The following NRG3 variants were observed in gnomAD, a reference collection of about 807,000 sequenced individuals.
The protein encoded by NRG3 is neuregulin 3, also known as pro-neuregulin-3, membrane-bound isoform.
Under a neutral mutation model 66.9 loss-of-function variants are expected in NRG3, and 31 were observed. The observed-to-expected ratio is 0.46, with a 90% CI of 0.35 to 0.63. NRG3 has a LOEUF of 0.63. Ranked by LOEUF, NRG3 falls within the 20% of genes least tolerant of loss-of-function variation. NRG3 has a pLI of 0.00. For missense variants in NRG3, 910 were observed against 878.9 expected, an observed-to-expected ratio of 1.04 and a Z score of -0.45; for synonymous variants, 393 against 359.4, an observed-to-expected ratio of 1.09 and a Z score of -1.06.
At chr10:82,378,141 T>C (rs897345395) in intron 2 of NRG3, among the ~76,000 whole-genome samples, 3 of 152,240 alleles carry the variant, frequency 2.0e-5, no homozygotes, top group Non-Finnish European at 4.4e-5. Flanking sequence ...TCTGAATAGT[T>C]GTAGGGGAGA....
chr10:82,617,134 C>T (rs1210808187), intron 2 of NRG3, among the ~76,000 whole-genome samples: 1 of 152,028 alleles, frequency 6.6e-6, no homozygotes, highest in Non-Finnish European at 1.5e-5. Flanking sequence ...CCTCCACATA[C>T]ATGCACACAC....
Position 82,511,143 on chromosome 10 carries a change from G to A in NRG3, c.953+152275G>A, listed in dbSNP as rs528769184. ...CAGGAGAAGACTGGCCTATAACTGT[G>A]GACACAAGGGAAAGCATTTTCTGAC... On this transcript the variant is annotated intron_variant, in intron 2 of 8. Coordinates refer to ENST00000372141, the MANE Select transcript of NRG3 (RefSeq NM_001010848.4). Among the ~76,000 whole-genome samples the A allele has an allele frequency of 9.2e-5, 14 of 152,098 alleles. No homozygotes were observed. In the South Asian group the frequency reaches 2.9e-3, roughly 32 times the overall value.
At chr10:82,671,899 ATGAGTG>A (rs1434489653) in intron 2 of NRG3, among the ~76,000 whole-genome samples, 1 of 151,932 alleles carries the variant, frequency 6.6e-6, no homozygotes, top group Non-Finnish European at 1.5e-5. Flanking sequence ...GATTAATTAA[ATGAGTG>A]AGAACTTTGT....
chr10:82,018,345 G>GTA (rs1044408911), intron 1 of NRG3, among the ~76,000 whole-genome samples: 22 of 152,150 alleles, frequency 1.4e-4, no homozygotes, highest in African/African-American at 4.8e-4. Flanking sequence ...TAGCCTTGTA[G>GTA]TATAGTTTGA....
intron 2 of NRG3, among the ~76,000 whole-genome samples, chr10:82,554,145 A>G (rs1178747595): frequency 1.3e-5 from 2 of 152,166 alleles, no homozygotes; most frequent in Admixed American, 6.6e-5. Context: ...TAAAATTAAG[A>G]TGCAGATGAG....
At chr10:82,553,598 T>A (rs2044467699) in intron 2 of NRG3, among the ~76,000 whole-genome samples, 1 of 152,112 alleles carries the variant, frequency 6.6e-6, no homozygotes, top group Non-Finnish European at 1.5e-5. Context: ...TTAAGATGTT[T>A]GGAATAGAAG....
chr10:82,406,453 A>C (rs1289676543), intron 2 of NRG3, among the ~76,000 whole-genome samples: 1 of 152,160 alleles, frequency 6.6e-6, no homozygotes, highest in Non-Finnish European at 1.5e-5. Context: ...CCCTGGTTCC[A>C]CTGAAAGTTC....
In NRG3 at chr10:82,758,923, AATAG is replaced by A. The variant is rs148698245; in HGVS notation, c.1027+20275_1027+20278del. On this transcript the variant is annotated intron_variant, in intron 3 of 8. Transcript: ENST00000372141. ...AAAAGTCCTCTGTGGTGATAAGTAAAATAGACCATCACCACCCAAATCAAGCCAC... is the reference window on the plus strand; with the variant it reads ...AAAAGTCCTCTGTGGTGATAAGTAAAACCATCACCACCCAAATCAAGCCAC... Among the ~76,000 whole-genome samples the A allele has an allele frequency of 4.8e-3, 733 of 152,218 alleles. 19 individuals are homozygous for A. In the East Asian group the frequency reaches 0.079, roughly 16 times the overall value.
intron 1 of NRG3, among the ~76,000 whole-genome samples, chr10:82,333,503 G>C (rs2082241543): frequency 6.6e-6 from 1 of 152,172 alleles, no homozygotes; most frequent in Non-Finnish European, 1.5e-5. Flanking sequence ...AGTATAGGAG[G>C]CAGGGGCTTT....
At chr10:82,153,242 ACT>A (rs1451162320) in intron 1 of NRG3, among the ~76,000 whole-genome samples, 4 of 151,896 alleles carry the variant, frequency 2.6e-5, no homozygotes, top group Admixed American at 2.6e-4. Flanking sequence ...ACACCACTGT[ACT>A]CTCTGCTTCT....
In NRG3 at chr10:82,885,863, A is replaced by ATTT. The variant is rs558501082; in HGVS notation, c.1054+20435_1054+20437dup. Reference sequence around the variant, plus strand: ...AGGCGTGAGCCACCGCGCCTGGCCTATTTTTTTTTTTGTATTATTATTTTT... The same window carrying ATTT: ...AGGCGTGAGCCACCGCGCCTGGCCTATTTTTTTTTTTTTTGTATTATTATTTTT... On this transcript the variant is annotated intron_variant, in intron 4 of 8. Transcript: ENST00000372141. Among the ~76,000 whole-genome samples, 946 of 142,966 alleles carry ATTT rather than the reference A, an allele frequency of 6.6e-3. 11 individuals are homozygous for ATTT. The highest frequency in any genetic ancestry group is 0.019 in the African/African-American group (722 of 39,008). 93.8% of individuals were successfully genotyped at this position (142,966 alleles called of 152,430 possible).
intron 1 of NRG3, among the ~76,000 whole-genome samples, chr10:82,125,159 T>A (rs963872775): frequency 6.6e-6 from 1 of 152,026 alleles, no homozygotes; most frequent in Non-Finnish European, 1.5e-5. Flanking sequence ...ACTGTCATCA[T>A]TTTCATTTAG....
chr10:82,713,703 A>G (rs1275397444), intron 2 of NRG3, among the ~76,000 whole-genome samples: 1 of 152,238 alleles, frequency 6.6e-6, no homozygotes, highest in Non-Finnish European at 1.5e-5. Context: ...TTTAAGGACT[A>G]GGGACCACTG....
chr10:82,959,050 T>A lies in NRG3; in HGVS notation c.1259T>A (p.Val420Glu). 1 of 1,605,440 alleles carries A rather than the reference T, an allele frequency of 6.2e-7. No homozygotes were observed. Among genetic ancestry groups the A allele is most frequent in the Non-Finnish European group, 8.5e-7 (1 of 1,177,452 alleles). ...SSTMAKSENL[V>E]KSHVQLQNYS... Reference sequence around the variant, plus strand: ...ACAATGGCAAAGTCAGAGAACTTGGTGAAGAGCCATGTCCAGCTGCAAAAT... The same window carrying A: ...ACAATGGCAAAGTCAGAGAACTTGGAGAAGAGCCATGTCCAGCTGCAAAAT... Residue 420 changes from valine (V) to glutamate (E), a missense_variant, in exon 6 of 9, where the codon GTG becomes GAG. Coordinates refer to ENST00000372141, the MANE Select transcript of NRG3 (RefSeq NM_001010848.4).
chr10:82,360,832 G>A (rs557925156), intron 2 of NRG3, among the ~76,000 whole-genome samples: 5 of 151,682 alleles, frequency 3.3e-5, no homozygotes, highest in South Asian at 2.1e-4. Context: ...AGGTGTTTGT[G>A]TTCAGAGTTG....
At chr10:81,893,986 T>A (rs1304224758) in intron 1 of NRG3, among the ~76,000 whole-genome samples, 3 of 152,208 alleles carry the variant, frequency 2.0e-5, no homozygotes, top group Non-Finnish European at 4.4e-5. Flanking sequence ...TGAAGCTATC[T>A]CTATCAGTCA....
chr10:82,083,735 C>G (rs1416742478), intron 1 of NRG3, among the ~76,000 whole-genome samples: 1 of 151,504 alleles, frequency 6.6e-6, no homozygotes, highest in Non-Finnish European at 1.5e-5. Context: ...GCTGGGATTA[C>G]AGGCATGCGC....
chr10:82,212,498 A>T (rs986507755), intron 1 of NRG3, among the ~76,000 whole-genome samples: 1 of 152,186 alleles, frequency 6.6e-6, no homozygotes, highest in African/African-American at 2.4e-5. Flanking sequence ...GATTTTTGCA[A>T]CCCAGTGATA....
chr10:82,364,376 G>GGATTTA (rs1246316675), intron 2 of NRG3, among the ~76,000 whole-genome samples: 1 of 152,134 alleles, frequency 6.6e-6, no homozygotes, highest in Non-Finnish European at 1.5e-5. Context: ...ATAAAAGGTA[G>GGATTTA]ATACACCCCA....
Sources: gnomAD v4.1 joint callset for allele counts (sites outside exome capture counted in the v4.1 genomes callset) on GRCh38, gnomAD v4.1.1 for gene constraint, MANE v1.5 for transcripts, NCBI Gene and HGNC (gene_info 2026-07-23, HGNC 2026-07-21) for gene names.